SLIT3: variants seen among roughly 807,000 people sequenced by gnomAD.
The protein encoded by SLIT3 is slit guidance ligand 3.
Under a neutral mutation model 184.0 loss-of-function variants are expected in SLIT3, and 68 were observed. The ratio of observed to expected loss-of-function variants is 0.37; its 90% CI spans 0.30 to 0.45. The LOEUF is 0.45. Among genes scored for constraint, SLIT3 ranks in the 20% least tolerant of loss-of-function variants. The pLI, the probability that SLIT3 is intolerant of heterozygous loss-of-function variation, is 1.00. For synonymous variants in SLIT3, 831 were observed against 828.6 expected (o/e 1.00, Z -0.05); for missense variants, 1,707 against 2,026.0 (o/e 0.84, Z 3.02).
chr5:168,880,744 C>G (rs1406368492), intron 5 of SLIT3, among the ~76,000 whole-genome samples: 1 of 152,172 alleles, frequency 6.6e-6, no homozygotes, highest in African/African-American at 2.4e-5. Flanking sequence ...GAACCTAGAA[C>G]ACATGGAATT....
chr5:168,825,733 G>T (rs112284552), intron 6 of SLIT3, among the ~76,000 whole-genome samples: 249 of 152,324 alleles, frequency 1.6e-3, no homozygotes, highest in Middle Eastern at 6.8e-3. Flanking sequence ...GCTTCCAGAA[G>T]ATCTCATCAA....
In SLIT3 at chr5:169,210,080, G is replaced by A. The variant is rs920431645; in HGVS notation, c.342-16530C>T. 9.2e-5 allele frequency among the ~76,000 whole-genome samples: 14 copies of A among 152,248 alleles called. No individual in the cohort carries two copies. In the East Asian group the frequency reaches 9.6e-4, roughly 10 times the overall value. The stretch of plus-strand genomic sequence containing the variant: ...GAATAAGATAAGCAAGATAAGCCCC[G>A]TGTGAACATGTGATGTGTGCCACAA... On this transcript the variant is annotated intron_variant, in intron 3 of 35. Transcript: ENST00000519560.
intron 4 of SLIT3, among the ~76,000 whole-genome samples, chr5:169,008,627 A>G (rs947604998): frequency 1.3e-5 from 2 of 152,004 alleles, no homozygotes; most frequent in African/African-American, 4.8e-5. Context: ...GTGTCTCACC[A>G]TCTGTTTTGT....
In SLIT3 at chr5:168,812,577, C is replaced by T. The variant is rs941984808; in HGVS notation, c.793+4723G>A. ...TGGTAAAAGTGCAGAGTCAAAAGCT[C>T]CAATGGCCTTGTGAGCATGTGGAAA... On this transcript the variant is annotated intron_variant, in intron 8 of 35. Transcript: ENST00000519560. 2.6e-5 allele frequency among the ~76,000 whole-genome samples: 4 copies of T among 152,150 alleles called. No individual in the cohort carries two copies. The East Asian group carries it at 5.8e-4, about 22-fold the overall frequency.
Position 169,301,095 on chromosome 5 carries a change from G to A in SLIT3, c.-386C>T, listed in dbSNP as rs909559149. ...AGCGCGGCGGCTGCGGCTGGGGCAC[G>A]GGGCGGCCGGGTGAGCTGGCCGGCG... On this transcript the variant is annotated 5_prime_UTR_variant, in exon 1 of 36. Coordinates refer to ENST00000519560, the MANE Select transcript of SLIT3 (RefSeq NM_003062.4). 1 of 153,480 alleles carries A rather than the reference G, an allele frequency of 6.5e-6. No homozygotes were observed. Among genetic ancestry groups the A allele is most frequent in the East Asian group, 1.9e-4 (1 of 5,182 alleles). The allele number at this position is 153,480 out of a possible 1,614,324, so 9.5% of individuals were successfully genotyped here.
At chr5:168,757,867 C>T (rs143560809) in intron 16 of SLIT3, among the ~76,000 whole-genome samples, 70 of 152,304 alleles carry the variant, frequency 4.6e-4, no homozygotes, top group South Asian at 4.2e-4. Flanking sequence ...ATTTCTGATC[C>T]ACATCATAAC....
intron 4 of SLIT3, among the ~76,000 whole-genome samples, chr5:169,075,372 A>C (rs1369728355): frequency 6.6e-6 from 1 of 152,334 alleles, no homozygotes; most frequent in Non-Finnish European, 1.5e-5. Context: ...AAGTGTCTGC[A>C]TCAGGACTGA....
intron 9 of SLIT3, among the ~76,000 whole-genome samples, chr5:168,799,824 T>C (rs1343484860): frequency 6.6e-6 from 1 of 152,220 alleles, no homozygotes; most frequent in African/African-American, 2.4e-5. Context: ...GTATTATTAA[T>C]GTACTCATTT....
At chr5:168,756,009 C>T (rs1425574907) in intron 16 of SLIT3, among the ~76,000 whole-genome samples, 1 of 152,224 alleles carries the variant, frequency 6.6e-6, no homozygotes, top group Non-Finnish European at 1.5e-5. Context: ...AGAGTCCAGC[C>T]TCCCAAGCAG....
At chr5:169,257,486 T>C (rs1257998953) in intron 1 of SLIT3, among the ~76,000 whole-genome samples, 2 of 147,970 alleles carry the variant, frequency 1.4e-5, no homozygotes, top group Admixed American at 1.4e-4. Context: ...TATGGCAGTC[T>C]ACGCTGACAA....
chr5:169,064,139 C>T (rs972133405), intron 4 of SLIT3, among the ~76,000 whole-genome samples: 7 of 152,154 alleles, frequency 4.6e-5, no homozygotes, highest in Non-Finnish European at 8.8e-5. Context: ...GATTCTGTTG[C>T]TCTCCTTTAA....
chr5:168,812,568 T>C (rs909018850), intron 8 of SLIT3, among the ~76,000 whole-genome samples: 5 of 152,268 alleles, frequency 3.3e-5, no homozygotes, highest in Admixed American at 2.0e-4. Context: ...AAGTGCAGAG[T>C]CAAAAGCTCC....
chr5:169,263,310 C>A (rs1766262836), intron 1 of SLIT3, among the ~76,000 whole-genome samples: 1 of 152,044 alleles, frequency 6.6e-6, no homozygotes, highest in South Asian at 2.1e-4. Flanking sequence ...ACTGCTCCAG[C>A]CAGAGTGACA....
chr5:168,833,242 C>T (rs188860926), intron 6 of SLIT3, among the ~76,000 whole-genome samples: 2 of 152,348 alleles, frequency 1.3e-5, no homozygotes, highest in East Asian at 3.9e-4. Context: ...AACTGAGCCA[C>T]TTCAGAGCTG....
At chr5:168,984,368 A>G (rs1755052564) in intron 4 of SLIT3, among the ~76,000 whole-genome samples, 1 of 152,122 alleles carries the variant, frequency 6.6e-6, no homozygotes, top group Admixed American at 6.5e-5. Flanking sequence ...TTCAATCTGC[A>G]TTTCCTAAAT....
At chr5:169,066,146 A>T (rs936114541) in intron 4 of SLIT3, among the ~76,000 whole-genome samples, 1 of 152,160 alleles carries the variant, frequency 6.6e-6, no homozygotes, top group African/African-American at 2.4e-5. Context: ...AAATGTAAAA[A>T]CTATTTTTGA....
At chr5:168,703,561 G>T (rs533457386) in intron 26 of SLIT3, among the ~76,000 whole-genome samples, 109 of 152,058 alleles carry the variant, frequency 7.2e-4, no homozygotes, top group Non-Finnish European at 1.4e-3. Context: ...AGGTGGTACA[G>T]TTTCATCCTG....
chr5:168,673,147 G>C (rs1005417457), intron 33 of SLIT3, 30 bp downstream of exon 33: 42 of 1,609,982 alleles, frequency 2.6e-5, no homozygotes, highest in Non-Finnish European at 3.3e-5. Flanking sequence ...GCCAGAGGGA[G>C]GTAGAGGTGG....
intron 3 of SLIT3, among the ~76,000 whole-genome samples, chr5:169,204,830 G>C (rs1764015994): frequency 6.6e-6 from 1 of 152,220 alleles, no homozygotes; most frequent in Non-Finnish European, 1.5e-5. Context: ...AGACATCGCT[G>C]CTTAGGAAAG....
Sources: allele counts gnomAD v4.1 joint callset (sites outside exome capture counted in the v4.1 genomes callset), GRCh38; gene constraint gnomAD v4.1.1; transcripts MANE v1.5; gene names NCBI Gene and HGNC (gene_info 2026-07-23, HGNC 2026-07-21).